SETD3: variants seen among roughly 807,000 people sequenced by gnomAD.
SETD3 encodes the protein SET domain containing 3, actin N3(tau)-histidine methyltransferase.
A neutral mutation model predicts 63.0 loss-of-function variants in SETD3; 19 were observed. The observed-to-expected ratio is 0.30, with a 90% CI of 0.21 to 0.44. The LOEUF (loss-of-function observed/expected upper bound fraction) is 0.44, where lower values mean the gene tolerates loss of function less well. Ranked by LOEUF, SETD3 falls within the 20% of genes least tolerant of loss-of-function variation. SETD3 has a pLI of 1.00. For missense variants in SETD3, 587 were observed against 728.5 expected (o/e 0.81, Z 2.24); for synonymous variants, 286 against 264.1 (o/e 1.08, Z -0.80).
chr14:99,422,422 T>G (rs1892640188), intron 6 of SETD3, among the ~76,000 whole-genome samples: 1 of 152,210 alleles, frequency 6.6e-6, no homozygotes, highest in South Asian at 2.1e-4. Context: ...CTCTCCTTAT[T>G]GTCATGTTGT....
chr14:99,423,735 T>C (rs1048296325), intron 6 of SETD3, among the ~76,000 whole-genome samples: 22 of 152,000 alleles, frequency 1.4e-4, no homozygotes, highest in African/African-American at 3.4e-4. Context: ...TGTCTTAAAC[T>C]GAACAGGGTA....
chr14:99,440,023 G>C (rs1470158830), intron 6 of SETD3, among the ~76,000 whole-genome samples: 1 of 151,884 alleles, frequency 6.6e-6, no homozygotes, highest in Non-Finnish European at 1.5e-5. Context: ...TACCCAGGCT[G>C]GTCTTGAACT....
chr14:99,446,189 G>A lies in SETD3; in HGVS notation c.675+12090C>T, dbSNP rs116091529. On this transcript the variant is annotated intron_variant, in intron 6 of 12. Transcript: ENST00000331768. ...CGGTGCCCAGCTCTGGAGGAACAGC[G>A]AGGGTTAGGGAGCCTCTGTCAGGGC... Among the ~76,000 whole-genome samples the A allele has an allele frequency of 5.6e-3, 851 of 152,286 alleles. 7 individuals carry two copies. Among genetic ancestry groups the A allele is most frequent in the African/African-American group, 0.019 (787 of 41,550 alleles).
At chr14:99,451,460 C>T (rs555737391) in intron 6 of SETD3, among the ~76,000 whole-genome samples, 2 of 152,280 alleles carry the variant, frequency 1.3e-5, no homozygotes, top group South Asian at 4.1e-4. Flanking sequence ...CATCAAGCTG[C>T]AGTATGATGT....
At chr14:99,429,943 G>A (rs1893080934) in intron 6 of SETD3, among the ~76,000 whole-genome samples, 1 of 152,328 alleles carries the variant, frequency 6.6e-6, no homozygotes, top group African/African-American at 2.4e-5. Flanking sequence ...AAGTATAGAG[G>A]AAATGGTAAG....
At chr14:99,435,476 A>G (rs1893426866) in intron 6 of SETD3, among the ~76,000 whole-genome samples, 1 of 152,196 alleles carries the variant, frequency 6.6e-6, no homozygotes, top group Admixed American at 6.5e-5. Context: ...GAGCTGAAGC[A>G]GTGCCTTTAA....
rs543248791 is a variant in SETD3 at position 99,399,391 on chromosome 14, C to T, written c.1339-266G>A. On this transcript the variant is annotated intron_variant, in intron 12 of 12. Transcript: ENST00000331768. The stretch of plus-strand genomic sequence containing the variant: ...ACAGCCTAAATCAAACAGTGCTACC[C>T]CATCTGCCAGGGAACTTCACTGATT... 3.8e-3 allele frequency among the ~76,000 whole-genome samples: 586 copies of T among 152,288 alleles called. 3 individuals carry two copies. Among genetic ancestry groups the T allele is most frequent in the African/African-American group, 0.013 (554 of 41,562 alleles).
At chr14:99,465,254 G>A (rs1895303819) in intron 2 of SETD3, among the ~76,000 whole-genome samples, 1 of 152,124 alleles carries the variant, frequency 6.6e-6, no homozygotes, top group African/African-American at 2.4e-5. Flanking sequence ...GACTCCCCTG[G>A]GCCAACAGCC....
rs1211038908 is a variant in SETD3, at chr14:99,400,133, G to A, written c.1304C>T (p.Ser435Leu). The A allele has an allele frequency of 2.5e-6, 4 of 1,612,924 alleles. No individual in the cohort carries two copies. Among genetic ancestry groups the A allele is most frequent in the Non-Finnish European group, 2.5e-6 (3 of 1,179,712 alleles). Residue 435 changes from serine (S) to leucine (L), a missense_variant, in exon 12 of 13, where the codon TCA becomes TTA. Physicochemically the swap from Ser to Leu is moderately radical, Grantham distance 145. Coordinates refer to ENST00000331768, the MANE Select transcript of SETD3 (RefSeq NM_032233.3). ...KLWTFLEDRA[S>L]LLLKTYKTTI... is the part of the protein sequence containing the mutation. ...TGTTTTATATGTTTTTAAAAGAAGT[G>A]AGGCTCTATCTTCAAGAAATGTCCA...
intron 6 of SETD3, among the ~76,000 whole-genome samples, chr14:99,421,099 A>G (rs754433864): frequency 1.2e-4 from 14 of 116,568 alleles, no homozygotes; most frequent in Non-Finnish European, 1.8e-4. Context: ...TGACTGACTT[A>G]AGGACTCTAA....
chr14:99,405,241 A>C lies in SETD3; in HGVS notation c.1055T>G (p.Met352Arg), dbSNP rs1317152183. Residue 352 changes from methionine to arginine, a missense_variant, in exon 10 of 13, where the codon ATG becomes AGG. Transcript: ENST00000331768. ...GVSKSDRLYA[M>R]KAEVLARAGI... ...GGCACGAGCCAAGACCTCGGCCTTC[A>C]TGGCGTAGAGTCTGTCACTTTTACT... is the stretch of plus-strand genomic sequence containing the variant. 1 of 1,609,300 alleles carries C rather than the reference A, an allele frequency of 6.2e-7. No homozygotes were observed.
intron 8 of SETD3, chr14:99,411,803 T>A (rs1007734372): frequency 2.6e-5 from 4 of 152,254 alleles, no homozygotes; most frequent in African/African-American, 4.8e-5. Flanking sequence ...GTTTTAGTAT[T>A]CATTACTAAT....
At chr14:99,453,656 C>T (rs1894589329) in intron 6 of SETD3, among the ~76,000 whole-genome samples, 1 of 152,070 alleles carries the variant, frequency 6.6e-6, no homozygotes, top group South Asian at 2.1e-4. Flanking sequence ...GAAGCCCCGT[C>T]TCTACTAAAA....
intron 8 of SETD3, among the ~76,000 whole-genome samples, chr14:99,410,571 C>T (rs1420831322): frequency 6.6e-6 from 1 of 152,182 alleles, no homozygotes; most frequent in East Asian, 1.9e-4. Context: ...AAATCCTCAA[C>T]AAAGGAAACC....
At chr14:99,453,017 A>T (rs1448241636) in intron 6 of SETD3, among the ~76,000 whole-genome samples, 1 of 152,234 alleles carries the variant, frequency 6.6e-6, no homozygotes, top group Non-Finnish European at 1.5e-5. Flanking sequence ...GAGGGTCCCC[A>T]TGACCCTGGA....
At chr14:99,444,438 T>TA (rs1243148886) in intron 6 of SETD3, 1 of 152,156 alleles carries the variant, frequency 6.6e-6, no homozygotes, top group Non-Finnish European at 1.5e-5. Flanking sequence ...AGGATGGCCA[T>TA]AGTTAACATT....
chr14:99,431,862 C>T (rs1321378352), intron 6 of SETD3, among the ~76,000 whole-genome samples: 1 of 152,160 alleles, frequency 6.6e-6, no homozygotes, highest in African/African-American at 2.4e-5. Flanking sequence ...CAACTGCCAT[C>T]CCACAACACA....
chr14:99,451,599 T>C (rs913177822), intron 6 of SETD3, among the ~76,000 whole-genome samples: 1 of 152,072 alleles, frequency 6.6e-6, no homozygotes, highest in Non-Finnish European at 1.5e-5. Context: ...CTCAACTTCC[T>C]GTGTTTAAGC....
intron 6 of SETD3, among the ~76,000 whole-genome samples, chr14:99,453,880 C>T (rs1206532238): frequency 2.0e-5 from 3 of 152,032 alleles, no homozygotes; most frequent in Non-Finnish European, 2.9e-5. Context: ...GATCCCTTCA[C>T]AGCTGGTTAG....
Sources: allele counts gnomAD v4.1 joint callset (sites outside exome capture counted in the v4.1 genomes callset), GRCh38; gene constraint gnomAD v4.1.1; transcripts MANE v1.5; gene names NCBI Gene and HGNC (gene_info 2026-07-23, HGNC 2026-07-21).